The following C8orf34 variants were observed in gnomAD, a reference collection of about 807,000 sequenced individuals.
C8orf34 encodes chromosome 8 open reading frame 34.
C8orf34 carries 65 observed loss-of-function variants against 68.3 expected under a neutral mutation model. The observed-to-expected ratio is 0.95, with a 90% CI of 0.78 to 1.17. C8orf34 has a LOEUF of 1.17. Ranked by LOEUF, C8orf34 falls within the 50% of genes most tolerant of loss-of-function variation. The probability of loss-of-function intolerance (pLI) is 0.00; values close to 1 mark genes in which losing one functional copy is unlikely to be tolerated. For missense variants in C8orf34, 664 were observed against 655.4 expected, an observed-to-expected ratio of 1.01 and a Z score of -0.14; for synonymous variants, 244 against 241.2, an observed-to-expected ratio of 1.01 and a Z score of -0.11.
chr8:68,366,532 A>G (rs1382481688), intron 1 of C8orf34, among the ~76,000 whole-genome samples: 3 of 151,090 alleles, frequency 2.0e-5, no homozygotes, highest in Admixed American at 6.6e-5. Context: ...ACAGCATGGT[A>G]CTGGTACCAA....
intron 12 of C8orf34, among the ~76,000 whole-genome samples, chr8:68,811,727 G>A (rs1050344718): frequency 6.6e-6 from 1 of 152,198 alleles, no homozygotes; most frequent in African/African-American, 2.4e-5. Flanking sequence ...AGGAGGAAAT[G>A]GGACAGAAGT....
At chr8:68,505,802 T>C (rs1813995159) in intron 5 of C8orf34, among the ~76,000 whole-genome samples, 1 of 151,128 alleles carries the variant, frequency 6.6e-6, no homozygotes, top group Non-Finnish European at 1.5e-5. Context: ...GGGAGAGGTA[T>C]TGAAGTTAAC....
At chr8:68,432,149 A>G (rs1276117396) in intron 1 of C8orf34, among the ~76,000 whole-genome samples, 1 of 151,776 alleles carries the variant, frequency 6.6e-6, no homozygotes, top group East Asian at 1.9e-4. Context: ...GGAATAAGCA[A>G]GGAGTTCAGA....
At chr8:68,384,515 C>G (rs1040824441) in intron 1 of C8orf34, among the ~76,000 whole-genome samples, 1 of 152,188 alleles carries the variant, frequency 6.6e-6, no homozygotes, top group Admixed American at 6.5e-5. Context: ...AATAGTAAAA[C>G]TCTAGGCTGT....
chr8:68,381,869 A>C (rs1808057309), intron 1 of C8orf34, among the ~76,000 whole-genome samples: 1 of 152,180 alleles, frequency 6.6e-6, no homozygotes, highest in Non-Finnish European at 1.5e-5. Context: ...GAAAGTAAAA[A>C]TAATCAAGAA....
intron 10 of C8orf34, among the ~76,000 whole-genome samples, chr8:68,727,795 G>A (rs368129890): frequency 2.0e-4 from 31 of 152,308 alleles, no homozygotes; most frequent in African/African-American, 7.0e-4. Context: ...GAGCAGGTGG[G>A]ACACAGGGCA....
intron 3 of C8orf34, among the ~76,000 whole-genome samples, chr8:68,466,279 A>G (rs1262268566): frequency 6.6e-6 from 1 of 152,050 alleles, no homozygotes; most frequent in Non-Finnish European, 1.5e-5. Context: ...TAGCATAAGC[A>G]TACGGTAAGA....
intron 1 of C8orf34, among the ~76,000 whole-genome samples, chr8:68,343,652 G>C (rs1193114175): frequency 6.6e-6 from 1 of 150,946 alleles, no homozygotes; most frequent in Non-Finnish European, 1.5e-5. Flanking sequence ...GGAGTGCAGT[G>C]GCACAATCTC....
At position 68,515,068 on chromosome 8, in the gene C8orf34, GTTTAT is replaced by G. The variant is rs1218384971; in HGVS notation, c.766-6726_766-6722del. Among the ~76,000 whole-genome samples the G allele has an allele frequency of 2.0e-5, 3 of 152,068 alleles. No individual in the cohort carries two copies. The East Asian group carries it at 5.8e-4, about 29-fold the overall frequency. ...TACTAAGTGCACATGATAAAAAGTA[GTTTAT>G]TTTAATTAGCTAGATTATTGTAATC... On this transcript the variant is annotated intron_variant, in intron 5 of 13. Coordinates refer to ENST00000518698, the MANE Select transcript of C8orf34 (RefSeq NM_052958.4).
intron 1 of C8orf34, among the ~76,000 whole-genome samples, chr8:68,372,309 A>G (rs932016582): frequency 6.6e-6 from 1 of 152,206 alleles, no homozygotes; most frequent in African/African-American, 2.4e-5. Flanking sequence ...GTTATTAATA[A>G]CTTCAGGAAG....
chr8:68,453,108 C>T (rs890448021), intron 3 of C8orf34, among the ~76,000 whole-genome samples: 1 of 151,928 alleles, frequency 6.6e-6, no homozygotes, highest in African/African-American at 2.4e-5. Flanking sequence ...CTCTCAATTC[C>T]ATTCCATTAA....
chr8:68,794,587 C>T (rs1450444283), intron 12 of C8orf34, among the ~76,000 whole-genome samples: 2 of 146,540 alleles, frequency 1.4e-5, no homozygotes, highest in Admixed American at 6.8e-5. Flanking sequence ...TCACTGCAGC[C>T]TCAACCTTCT....
At chr8:68,369,513 G>C (rs376709227) in intron 1 of C8orf34, among the ~76,000 whole-genome samples, 7 of 152,342 alleles carry the variant, frequency 4.6e-5, no homozygotes, top group Admixed American at 3.3e-4. Flanking sequence ...CATAGGTGTG[G>C]ATTGAAGGAA....
chr8:68,637,432 C>G (rs1263827708), intron 7 of C8orf34, among the ~76,000 whole-genome samples: 2 of 151,956 alleles, frequency 1.3e-5, no homozygotes, highest in East Asian at 3.9e-4. Flanking sequence ...TGTCTGTGTA[C>G]CAGTAAGATT....
In C8orf34 at chr8:68,490,072, C is replaced by G. The variant is rs118130275; in HGVS notation, c.765+2021C>G. Among the ~76,000 whole-genome samples, 1,195 of 152,266 alleles carry G rather than the reference C, an allele frequency of 7.8e-3. 6 individuals carry two copies. Among genetic ancestry groups the G allele is most frequent in the Non-Finnish European group, 0.011 (754 of 68,022 alleles). ...GCCTTGTTCTGCTTTTCTAGTCCCC[C>G]CTCTGTGTGCCTGTCATTGTCTCAC... On this transcript the variant is annotated intron_variant, in intron 5 of 13. Coordinates refer to ENST00000518698, the MANE Select transcript of C8orf34 (RefSeq NM_052958.4).
intron 5 of C8orf34, among the ~76,000 whole-genome samples, chr8:68,505,647 C>G (rs906760929): frequency 2.7e-5 from 3 of 112,184 alleles, no homozygotes; most frequent in Admixed American, 8.1e-5. Flanking sequence ...AGGAGAATGG[C>G]GTGAACCCGG....
chr8:68,507,558 G>C (rs1244191919), intron 5 of C8orf34, among the ~76,000 whole-genome samples: 1 of 152,158 alleles, frequency 6.6e-6, no homozygotes. Context: ...GATTCCCTGA[G>C]AGTCTCCATT....
At chr8:68,603,548 T>C (rs1188267461) in intron 7 of C8orf34, among the ~76,000 whole-genome samples, 12 of 151,220 alleles carry the variant, frequency 7.9e-5, no homozygotes, top group African/African-American at 2.4e-4. Flanking sequence ...TATCTATCTA[T>C]CTATCTATCT....
chr8:68,666,122 G>C (rs1819832864), intron 8 of C8orf34, among the ~76,000 whole-genome samples: 1 of 152,130 alleles, frequency 6.6e-6, no homozygotes, highest in African/African-American at 2.4e-5. Context: ...GCATCAGAGA[G>C]GTTGGGTACT....
Sources: allele counts gnomAD v4.1 joint callset (sites outside exome capture counted in the v4.1 genomes callset), GRCh38; gene constraint gnomAD v4.1.1; transcripts MANE v1.5; gene names NCBI Gene and HGNC (gene_info 2026-07-23, HGNC 2026-07-21).